The following CCDC175 variants were observed in gnomAD, a reference collection of about 807,000 sequenced individuals.
CCDC175 encodes the protein coiled-coil domain containing 175, also known as coiled-coil domain-containing protein 175.
A neutral mutation model predicts 114.6 loss-of-function variants in CCDC175; 100 were observed. That is an observed-to-expected ratio of 0.87 (90% CI 0.74 to 1.03). The LOEUF (loss-of-function observed/expected upper bound fraction) is 1.03. Among genes scored for constraint, CCDC175 ranks in the 50% least tolerant of loss-of-function variants. The pLI is 0.00. For synonymous variants in CCDC175, 306 were observed against 308.7 expected (o/e 0.99, Z 0.09); for missense variants, 880 against 917.8 (o/e 0.96, Z 0.53).
intron 12 of CCDC175, among the ~76,000 whole-genome samples, 160 bp downstream of exon 12, chr14:59,538,545 A>G (rs745812422): frequency 1.6e-4 from 25 of 152,250 alleles, no homozygotes; most frequent in Non-Finnish European, 2.9e-4. Flanking sequence ...ATATACAGCA[A>G]GTGAATACAT....
At chr14:59,511,255 G>A (rs1032929118) in intron 18 of CCDC175, among the ~76,000 whole-genome samples, 2 of 152,120 alleles carry the variant, frequency 1.3e-5, no homozygotes, top group African/African-American at 2.4e-5. Context: ...ACATTTTAAC[G>A]CTTTCCTAGT....
intron 19 of CCDC175, chr14:59,510,357 A>G (rs1327896839): frequency 3.6e-6 from 1 of 278,804 alleles, no homozygotes; most frequent in African/African-American, 2.2e-5. Flanking sequence ...AAAATGTGTA[A>G]AAGAGTTTAA....
intron 19 of CCDC175, among the ~76,000 whole-genome samples, chr14:59,508,399 T>TACACAC (rs71451066): frequency 0.086 from 8,391 of 97,258 alleles, 621 homozygotes; most frequent in Middle Eastern, 0.12. Context: ...GTCTCCAAAA[T>TACACAC]ACACACACAC....
chr14:59,559,742 A>G (rs1159531034), intron 7 of CCDC175, among the ~76,000 whole-genome samples: 2 of 152,268 alleles, frequency 1.3e-5, no homozygotes, highest in East Asian at 3.9e-4. Context: ...GAGAAAGAGC[A>G]AATTTTTTGA....
At chr14:59,517,674 T>C (rs1000252098) in intron 17 of CCDC175, among the ~76,000 whole-genome samples, 1 of 152,000 alleles carries the variant, frequency 6.6e-6, no homozygotes, top group African/African-American at 2.4e-5. Flanking sequence ...TAAAAGAGGA[T>C]ACAAACAAAT....
intron 7 of CCDC175, among the ~76,000 whole-genome samples, chr14:59,559,265 G>A (rs1169085457): frequency 6.6e-6 from 1 of 152,100 alleles, no homozygotes; most frequent in African/African-American, 2.4e-5. Flanking sequence ...ACCCCATAGC[G>A]AATTAGAAAG....
chr14:59,523,765 G>A (rs1035841669), intron 16 of CCDC175, among the ~76,000 whole-genome samples: 45 of 152,052 alleles, frequency 3.0e-4, no homozygotes, highest in African/African-American at 1.0e-3. Context: ...CGAGGCGGGC[G>A]GATCACAAGG....
chr14:59,527,289 A>T, intron 14 of CCDC175, 115 bp from the exon 15 acceptor site: 2 of 549,262 alleles, frequency 3.6e-6, no homozygotes, highest in South Asian at 2.7e-5. Context: ...ACAAAAACCA[A>T]CTGTCAGGCA....
intron 8 of CCDC175, among the ~76,000 whole-genome samples, chr14:59,546,105 T>A (rs934675385): frequency 5.3e-5 from 8 of 152,132 alleles, no homozygotes; most frequent in African/African-American, 1.9e-4. Flanking sequence ...GAAAATGTGG[T>A]AATAATACAC....
chr14:59,518,379 C>A (rs574459826), intron 17 of CCDC175, among the ~76,000 whole-genome samples: 106 of 152,272 alleles, frequency 7.0e-4, no homozygotes, highest in African/African-American at 2.3e-3. Context: ...TCAGAGTGAA[C>A]AGGCAACCTA....
intron 3 of CCDC175, among the ~76,000 whole-genome samples, chr14:59,571,991 A>T (rs12880730): frequency 0.02 from 3,078 of 152,284 alleles, 43 homozygotes; most frequent in Non-Finnish European, 0.032. Context: ...ATGCTCAATG[A>T]AGCATTTCAG....
intron 4 of CCDC175, among the ~76,000 whole-genome samples, chr14:59,566,888 G>A (rs923130246): frequency 2.6e-5 from 4 of 152,254 alleles, no homozygotes; most frequent in Admixed American, 6.5e-5. Flanking sequence ...TTGCCTTTCC[G>A]TAAAGATTTG....
At position 59,565,179 on chromosome 14, in the gene CCDC175, A is replaced by C; in HGVS notation, c.588T>G (p.Asn196Lys). The C allele has an allele frequency of 2.0e-6, 3 of 1,537,696 alleles. No homozygotes were observed. The highest frequency in any genetic ancestry group is 2.6e-6 in the Non-Finnish European group (3 of 1,146,998). ...TCAAGTTTATTTTGGTATAAGTCTC[A>C]TTTATGTAAACAGTGGTGGTGGCTT... is the stretch of plus-strand genomic sequence containing the variant. ...EKKATTTVYINETYTKINLKR... is the reference protein window; with the variant it reads ...EKKATTTVYIKETYTKINLKR... Residue 196 changes from asparagine (N) to lysine (K), a missense_variant, in exon 5 of 20, where the codon AAT becomes AAG. Coordinates refer to ENST00000537690, the MANE Select transcript of CCDC175 (RefSeq NM_001164399.2).
intron 6 of CCDC175, among the ~76,000 whole-genome samples, chr14:59,562,013 G>A (rs868782732): frequency 1.3e-5 from 2 of 152,196 alleles, no homozygotes; most frequent in South Asian, 2.1e-4. Flanking sequence ...TCTCAGCCAC[G>A]CCAGGTGAGA....
chr14:59,550,270 T>C (rs1257505280), intron 8 of CCDC175, among the ~76,000 whole-genome samples: 1 of 152,180 alleles, frequency 6.6e-6, no homozygotes, highest in Non-Finnish European at 1.5e-5. Flanking sequence ...CTGATACTTA[T>C]TTAACCAAGG....
chr14:59,529,378 G>A (rs1893933267), intron 14 of CCDC175, among the ~76,000 whole-genome samples: 1 of 152,178 alleles, frequency 6.6e-6, no homozygotes, highest in Non-Finnish European at 1.5e-5. Flanking sequence ...CAGCATTGAG[G>A]AGGAGGAGTC....
At chr14:59,512,816 G>A (rs987570189) in intron 17 of CCDC175, among the ~76,000 whole-genome samples, 4 of 141,060 alleles carry the variant, frequency 2.8e-5, no homozygotes, top group Non-Finnish European at 6.0e-5. Flanking sequence ...GTGTGTGTGT[G>A]TGTGTGTGTG....
At position 59,575,048 on chromosome 14, in the gene CCDC175, AT is replaced by A; in HGVS notation, c.158-21del. 1 of 1,313,598 alleles carries A rather than the reference AT, an allele frequency of 7.6e-7. No homozygotes were observed. Among genetic ancestry groups the A allele is most frequent in the South Asian group, 1.3e-5 (1 of 74,838 alleles). 81.4% of individuals were successfully genotyped at this position (1,313,598 alleles called of 1,614,324 possible). A position where few individuals can be genotyped will look rare whatever the true frequency, so the allele number is the denominator to read the frequency against. ...ATTGTTCTGAAAAAAAAATTAGAAA[AT>A]AAAGATCTCTTATTTATCTATCCAA... is the stretch of plus-strand genomic sequence containing the variant. On this transcript the variant is annotated intron_variant, in intron 1 of 19. Transcript: ENST00000537690.
intron 5 of CCDC175, 48 bp from the exon 6 acceptor site, chr14:59,563,907 A>C: frequency 8.0e-7 from 1 of 1,243,856 alleles, no homozygotes; most frequent in Non-Finnish European, 1.0e-6. Context: ...TATTAGCACA[A>C]CAAAGTTTAA....
Sources: gnomAD v4.1 joint callset for allele counts (sites outside exome capture counted in the v4.1 genomes callset) on GRCh38, gnomAD v4.1.1 for gene constraint, MANE v1.5 for transcripts, NCBI Gene and HGNC (gene_info 2026-07-23, HGNC 2026-07-21) for gene names.